MARCHF1: variants seen among roughly 807,000 people sequenced by gnomAD.
The protein encoded by MARCHF1 is membrane associated ring-CH-type finger 1.
Under a neutral mutation model 54.2 loss-of-function variants are expected in MARCHF1, and 40 were observed. The ratio of observed to expected loss-of-function variants is 0.74; its 90% CI spans 0.57 to 0.96. MARCHF1 has a LOEUF of 0.96. Ranked by LOEUF, MARCHF1 falls within the 40% of genes least tolerant of loss-of-function variation. The probability of loss-of-function intolerance (pLI) is 0.00; values close to 1 mark genes in which losing one functional copy is unlikely to be tolerated. For synonymous variants in MARCHF1, 236 were observed against 236.3 expected (o/e 1.00, Z 0.01); for missense variants, 586 against 656.5 (o/e 0.89, Z 1.17).
At chr4:163,903,650 G>C (rs982654086) in intron 3 of MARCHF1, among the ~76,000 whole-genome samples, 1 of 148,872 alleles carries the variant, frequency 6.7e-6, no homozygotes, top group Non-Finnish European at 1.5e-5. Flanking sequence ...CACCCGTGTC[G>C]CCCAGACTGG....
intron 1 of MARCHF1, among the ~76,000 whole-genome samples, chr4:164,345,606 AATAATAAT>A (rs1730070921): frequency 6.7e-6 from 1 of 148,996 alleles, no homozygotes; most frequent in Non-Finnish European, 1.5e-5. Flanking sequence ...TAATAATAAT[AATAATAAT>A]AAATTTAAAA....
chr4:164,157,685 C>T (rs919804356), intron 1 of MARCHF1, among the ~76,000 whole-genome samples: 3 of 152,050 alleles, frequency 2.0e-5, no homozygotes, highest in South Asian at 2.1e-4. Flanking sequence ...GCCTTCATCC[C>T]GGTGTGGTGC....
At chr4:163,894,987 CAT>C (rs202176682) in intron 3 of MARCHF1, among the ~76,000 whole-genome samples, 2,956 of 121,258 alleles carry the variant, frequency 0.024, 895 homozygotes, top group African/African-American at 0.097. Flanking sequence ...CACACATATA[CAT>C]ATATATGCAT....
At chr4:164,106,608 G>A (rs931769236) in intron 2 of MARCHF1, among the ~76,000 whole-genome samples, 1 of 146,194 alleles carries the variant, frequency 6.8e-6, no homozygotes, top group African/African-American at 2.6e-5. Context: ...ACACTCTGGG[G>A]ACTGTTGTGG....
At chr4:163,615,383 C>T (rs1329755469) in intron 5 of MARCHF1, among the ~76,000 whole-genome samples, 1 of 152,024 alleles carries the variant, frequency 6.6e-6, no homozygotes, top group Non-Finnish European at 1.5e-5. Flanking sequence ...AGTAAATTTG[C>T]AGGATACACA....
rs1162826313 is a variant in MARCHF1 at position 164,262,104 on chromosome 4, T to A, written c.-323+121766A>T. Reference sequence around the variant, plus strand: ...TGGGTGACAGAGCTAGTCCCTATCTTAAGAAAAAAAAAAAAAAAAAAGAAT... The same window carrying A: ...TGGGTGACAGAGCTAGTCCCTATCTAAAGAAAAAAAAAAAAAAAAAAGAAT... On this transcript the variant is annotated intron_variant, in intron 1 of 9. Coordinates refer to ENST00000514618, the MANE Select transcript of MARCHF1 (RefSeq NM_001394959.1). Among the ~76,000 whole-genome samples, 98 of 103,626 alleles carry A rather than the reference T, an allele frequency of 9.5e-4. No homozygotes were observed. In the South Asian group the frequency reaches 0.025, roughly 26 times the overall value. The allele number at this position is 103,626 out of a possible 152,430, so 68.0% of individuals were successfully genotyped here. A position where few individuals can be genotyped will look rare whatever the true frequency, so the allele number is the denominator to read the frequency against.
intron 4 of MARCHF1, among the ~76,000 whole-genome samples, chr4:163,853,667 AGAT>A (rs1749696889): frequency 6.6e-6 from 1 of 152,210 alleles, no homozygotes; most frequent in South Asian, 2.1e-4. Flanking sequence ...AATCATCTTT[AGAT>A]GACTCTGTAC....
At chr4:163,575,337 G>T (rs1740000916) in intron 8 of MARCHF1, among the ~76,000 whole-genome samples, 3 of 152,042 alleles carry the variant, frequency 2.0e-5, no homozygotes, top group Admixed American at 6.6e-5. Context: ...TTTTAACTTT[G>T]TCTATGTGGT....
intron 5 of MARCHF1, among the ~76,000 whole-genome samples, chr4:163,672,592 A>G (rs1356705117): frequency 6.6e-6 from 1 of 152,090 alleles, no homozygotes; most frequent in Non-Finnish European, 1.5e-5. Flanking sequence ...TATTGTTTTG[A>G]TGTGTCATAT....
chr4:163,961,836 T>A (rs1032388490), intron 3 of MARCHF1, among the ~76,000 whole-genome samples: 3 of 151,918 alleles, frequency 2.0e-5, no homozygotes, highest in African/African-American at 7.2e-5. Flanking sequence ...TTTTCATGAT[T>A]ATGCTTGGAA....
In MARCHF1 at chr4:163,744,826, A is replaced by G. The variant is rs1448018865; in HGVS notation, c.112-43963T>C. Among the ~76,000 whole-genome samples, 4 of 152,134 alleles carry G rather than the reference A, an allele frequency of 2.6e-5. No homozygotes were observed. The East Asian group carries it at 7.7e-4, about 29-fold the overall frequency. On this transcript the variant is annotated intron_variant, in intron 4 of 9. Coordinates refer to ENST00000514618, the MANE Select transcript of MARCHF1 (RefSeq NM_001394959.1). ...AATATTTTAAATACAGTAAAATTGA[A>G]AATAAAATAGAGCCAGAAAATATAT...
At chr4:164,126,307 C>T (rs960497653) in intron 1 of MARCHF1, among the ~76,000 whole-genome samples, 3 of 152,142 alleles carry the variant, frequency 2.0e-5, no homozygotes, top group African/African-American at 7.2e-5. Flanking sequence ...CATGTCAGGA[C>T]ACCGTGAGAG....
intron 4 of MARCHF1, among the ~76,000 whole-genome samples, chr4:163,786,967 C>A (rs1265188131): frequency 7.2e-5 from 11 of 151,852 alleles, no homozygotes; most frequent in African/African-American, 2.7e-4. Flanking sequence ...GACAAGGATG[C>A]CAATACTACA....
chr4:164,159,857 G>T (rs971918192), intron 1 of MARCHF1, among the ~76,000 whole-genome samples: 1 of 152,040 alleles, frequency 6.6e-6, no homozygotes. Flanking sequence ...TCCAGTAAAT[G>T]GTACCTCTTC....
At chr4:163,718,478 T>A (rs1745335346) in intron 4 of MARCHF1, among the ~76,000 whole-genome samples, 2 of 152,084 alleles carry the variant, frequency 1.3e-5, no homozygotes, top group South Asian at 4.1e-4. Context: ...TTATTTTAAT[T>A]TAAAATCAAA....
intron 3 of MARCHF1, among the ~76,000 whole-genome samples, chr4:163,896,947 C>T (rs974818545): frequency 1.3e-5 from 2 of 152,210 alleles, no homozygotes; most frequent in Non-Finnish European, 2.9e-5. Flanking sequence ...GTGGCTCATT[C>T]AGCACCAGTC....
At chr4:164,013,586 A>T (rs1192511840) in intron 2 of MARCHF1, among the ~76,000 whole-genome samples, 1 of 152,186 alleles carries the variant, frequency 6.6e-6, no homozygotes, top group African/African-American at 2.4e-5. Context: ...ACCTCAAGGC[A>T]TGTAATAAAC....
intron 1 of MARCHF1, among the ~76,000 whole-genome samples, chr4:164,321,695 A>G (rs1183281190): frequency 6.6e-6 from 1 of 152,116 alleles, no homozygotes; most frequent in Non-Finnish European, 1.5e-5. Flanking sequence ...TTTTGAGAAC[A>G]TGCAAAGAGT....
intron 3 of MARCHF1, among the ~76,000 whole-genome samples, chr4:163,987,762 T>C (rs1752898302): frequency 6.6e-6 from 1 of 152,222 alleles, no homozygotes; most frequent in Non-Finnish European, 1.5e-5. Context: ...CTTGACTGTG[T>C]TGAGTTCAAT....
Sources: gnomAD v4.1 joint callset for allele counts (sites outside exome capture counted in the v4.1 genomes callset) on GRCh38, gnomAD v4.1.1 for gene constraint, MANE v1.5 for transcripts, NCBI Gene and HGNC (gene_info 2026-07-23, HGNC 2026-07-21) for gene names.